ALK: variants seen among roughly 807,000 people sequenced by gnomAD.
The protein encoded by ALK is ALK receptor tyrosine kinase.
A neutral mutation model predicts 163.1 loss-of-function variants in ALK; 74 were observed. That is an observed-to-expected ratio of 0.45 (90% CI 0.38 to 0.55). The LOEUF (loss-of-function observed/expected upper bound fraction) is 0.55, where lower values mean the gene tolerates loss of function less well. Ranked by LOEUF, ALK falls within the 20% of genes least tolerant of loss-of-function variation. ALK has a pLI of 0.00. For synonymous variants in ALK, 960 were observed against 843.2 expected, an observed-to-expected ratio of 1.14 and a Z score of -2.40; for missense variants, 2,063 against 2,105.3, an observed-to-expected ratio of 0.98 and a Z score of 0.39.
chr2:29,512,946 C>A (rs550387959), intron 4 of ALK, among the ~76,000 whole-genome samples: 1 of 150,724 alleles, frequency 6.6e-6, no homozygotes, highest in Non-Finnish European at 1.5e-5. Flanking sequence ...TTACAAGGGA[C>A]GTGAAGGACC....
At chr2:29,787,518 G>C (rs963912703) in intron 1 of ALK, among the ~76,000 whole-genome samples, 2 of 152,156 alleles carry the variant, frequency 1.3e-5, no homozygotes, top group African/African-American at 4.8e-5. Context: ...CTTTTCCTTG[G>C]AGCTCACAGC....
At chr2:29,621,841 A>T (rs1008107769) in intron 3 of ALK, among the ~76,000 whole-genome samples, 1 of 152,202 alleles carries the variant, frequency 6.6e-6, no homozygotes, top group Non-Finnish European at 1.5e-5. Flanking sequence ...GTTTGTCTCA[A>T]CCATCCTTTT....
intron 1 of ALK, among the ~76,000 whole-genome samples, chr2:29,769,413 T>G (rs1680955462): frequency 6.6e-6 from 1 of 152,192 alleles, no homozygotes; most frequent in Non-Finnish European, 1.5e-5. Context: ...CATCACTTCT[T>G]TCTTTAGCCA....
intron 8 of ALK, among the ~76,000 whole-genome samples, chr2:29,313,038 A>G (rs185335473): frequency 1.9e-3 from 288 of 152,282 alleles, no homozygotes; most frequent in Middle Eastern, 3.4e-3. Flanking sequence ...CTGGTCCCCA[A>G]CTATTTACAA....
chr2:29,762,452 G>A (rs1339800597), intron 1 of ALK, among the ~76,000 whole-genome samples: 1 of 152,180 alleles, frequency 6.6e-6, no homozygotes, highest in Non-Finnish European at 1.5e-5. Flanking sequence ...GCAGAGGGTT[G>A]CGTTTTGCAG....
chr2:29,208,085 T>C (rs76055680), intron 25 of ALK: 1 of 415,784 alleles, frequency 2.4e-6, no homozygotes, highest in East Asian at 8.1e-5. Flanking sequence ...AGTCTCTCTC[T>C]CCCAAGGATA....
chr2:29,371,962 G>A (rs929598965), intron 5 of ALK, among the ~76,000 whole-genome samples: 1 of 152,212 alleles, frequency 6.6e-6, no homozygotes, highest in Admixed American at 6.5e-5. Context: ...TAATCACTAT[G>A]AGCAGGGAAG....
At chr2:29,317,786 T>G (rs1024108095) in intron 8 of ALK, among the ~76,000 whole-genome samples, 1 of 146,386 alleles carries the variant, frequency 6.8e-6, no homozygotes, top group Non-Finnish European at 1.5e-5. Flanking sequence ...AGAATATGAC[T>G]GTATGCTAAG....
intron 4 of ALK, among the ~76,000 whole-genome samples, chr2:29,508,031 C>T (rs1672385325): frequency 6.6e-6 from 1 of 152,114 alleles, no homozygotes; most frequent in Non-Finnish European, 1.5e-5. Context: ...TGTGGTTAGC[C>T]TGAGTCCTGA....
chr2:29,480,790 T>TAA (rs11289018), intron 4 of ALK, among the ~76,000 whole-genome samples: 4 of 74,530 alleles, frequency 5.4e-5, no homozygotes, highest in South Asian at 1.2e-3. Context: ...ACAGACATCT[T>TAA]AAAAAAAAAA....
At chr2:29,445,536 G>T (rs1392992156) in intron 4 of ALK, among the ~76,000 whole-genome samples, 1 of 152,222 alleles carries the variant, frequency 6.6e-6, no homozygotes, top group Non-Finnish European at 1.5e-5. Context: ...ATAAGGGCTG[G>T]GCATGGTGGC....
intron 1 of ALK, among the ~76,000 whole-genome samples, chr2:29,814,808 C>A (rs550022474): frequency 6.6e-6 from 1 of 151,368 alleles, no homozygotes; most frequent in African/African-American, 2.4e-5. Context: ...TGGGACTAAT[C>A]CCTATTCACA....
chr2:29,406,664 G>A (rs1669591365), intron 4 of ALK, among the ~76,000 whole-genome samples: 1 of 152,086 alleles, frequency 6.6e-6, no homozygotes, highest in South Asian at 2.1e-4. Context: ...CACTTTGGGA[G>A]GCCGAGGTGG....
At chr2:29,389,918 C>G (rs1669121927) in intron 4 of ALK, among the ~76,000 whole-genome samples, 3 of 152,154 alleles carry the variant, frequency 2.0e-5, no homozygotes, top group African/African-American at 4.8e-5. Flanking sequence ...TACCTGAGTT[C>G]TCAACTATGA....
intron 4 of ALK, among the ~76,000 whole-genome samples, chr2:29,410,325 C>A (rs1351785267): frequency 6.6e-6 from 1 of 152,222 alleles, no homozygotes; most frequent in Non-Finnish European, 1.5e-5. Context: ...GAATATAACC[C>A]TTTGTGTATC....
At chr2:29,853,074 T>C (rs772626609) in intron 1 of ALK, among the ~76,000 whole-genome samples, 2 of 152,188 alleles carry the variant, frequency 1.3e-5, no homozygotes, top group Non-Finnish European at 2.9e-5. Flanking sequence ...ATAACAGCTA[T>C]AACCAAAGAA....
At chr2:29,660,551 T>A (rs975808255) in intron 3 of ALK, among the ~76,000 whole-genome samples, 1 of 150,844 alleles carries the variant, frequency 6.6e-6, no homozygotes, top group Non-Finnish European at 1.5e-5. Flanking sequence ...GTGGTGGAGA[T>A]GGGGTGTGAT....
rs183730509 is a variant in ALK at position 29,570,411 on chromosome 2, C to G, written c.953-38295G>C. ...TTCCAAGGAAGCTTGGCAGGTGTGC[C>G]CAGGTAGGACCGACAGTGCTCAAGA... On this transcript the variant is annotated intron_variant, in intron 3 of 28. Coordinates refer to ENST00000389048, the MANE Select transcript of ALK (RefSeq NM_004304.5). 9.8e-4 allele frequency among the ~76,000 whole-genome samples: 149 copies of G among 152,194 alleles called. 5 individuals are homozygous for G. The East Asian group carries it at 0.023, about 23-fold the overall frequency.
chr2:29,570,987 G>A (rs1162652652), intron 3 of ALK, among the ~76,000 whole-genome samples: 1 of 152,094 alleles, frequency 6.6e-6, no homozygotes, highest in African/African-American at 2.4e-5. Context: ...AGAGACTCAG[G>A]GAGAAAGGAA....
Sources: gnomAD v4.1 joint callset for allele counts (sites outside exome capture counted in the v4.1 genomes callset) on GRCh38, gnomAD v4.1.1 for gene constraint, MANE v1.5 for transcripts, NCBI Gene and HGNC (gene_info 2026-07-23, HGNC 2026-07-21) for gene names.